MPDZ: variants seen among roughly 807,000 people sequenced by gnomAD.
MPDZ encodes the protein multiple PDZ domain crumbs cell polarity complex component.
MPDZ carries 234 observed loss-of-function variants against 239.1 expected under a neutral mutation model. The ratio of observed to expected loss-of-function variants is 0.98; its 90% confidence interval spans 0.88 to 1.09. The LOEUF (loss-of-function observed/expected upper bound fraction) is 1.09. Ranked by LOEUF, MPDZ falls within the 50% of genes least tolerant of loss-of-function variation. The pLI, the probability that MPDZ is intolerant of heterozygous loss-of-function variation, is 0.00. For synonymous variants in MPDZ, 1,048 were observed against 881.3 expected (o/e 1.19, Z -3.35); for missense variants, 3,175 against 2,510.0 (o/e 1.26, Z -5.66).
intron 1 of MPDZ, among the ~76,000 whole-genome samples, chr9:13,258,631 T>C (rs757518152): frequency 6.6e-6 from 1 of 152,160 alleles, no homozygotes; most frequent in Non-Finnish European, 1.5e-5. Context: ...TCTAAAAGTA[T>C]AGAAATGTCA....
intron 3 of MPDZ, among the ~76,000 whole-genome samples, chr9:13,241,602 G>A (rs558013896): frequency 6.6e-6 from 1 of 150,622 alleles, no homozygotes; most frequent in South Asian, 2.1e-4. Flanking sequence ...ATTTATATAA[G>A]AAGAGAGGGA....
intron 15 of MPDZ, among the ~76,000 whole-genome samples, chr9:13,191,120 C>T (rs1954857384): frequency 6.6e-6 from 1 of 152,080 alleles, no homozygotes. Flanking sequence ...ATACAAATGA[C>T]ACCCATTTGC....
At chr9:13,183,780 C>T (rs920083843) in intron 18 of MPDZ, among the ~76,000 whole-genome samples, 195 bp from the exon 19 acceptor site, 1 of 152,000 alleles carries the variant, frequency 6.6e-6, no homozygotes, top group Admixed American at 6.6e-5. Flanking sequence ...GCAGAAAGTG[C>T]TGGCATACAA....
rs1404972710 is a variant in MPDZ at position 13,136,769 on chromosome 9, T to C, written c.4235A>G (p.Gln1412Arg). Reference sequence around the variant, plus strand: ...ACATTTAATGATTGATGAGGCATTCTGATGACTTCTTCCATATAAAATCTG... The same window carrying C: ...ACATTTAATGATTGATGAGGCATTCCGATGACTTCTTCCATATAAAATCTG... ...NGQILYGRSH[Q>R]NASSIIKCAP... Residue 1412 changes from glutamine to arginine, a missense_variant, in exon 30 of 47, where the codon CAG (glutamine) becomes CGG (arginine). Physicochemically the swap from Gln to Arg is conservative, Grantham distance 43. Coordinates refer to ENST00000319217, the MANE Select transcript of MPDZ (RefSeq NM_001378778.1). 2 of 1,603,160 alleles carry C rather than the reference T, an allele frequency of 1.2e-6. No individual in the cohort carries two copies. The highest frequency in any genetic ancestry group is 1.7e-6 in the Non-Finnish European group (2 of 1,173,814).
chr9:13,195,617 T>C (rs967694245), intron 13 of MPDZ, among the ~76,000 whole-genome samples: 3 of 152,048 alleles, frequency 2.0e-5, no homozygotes, highest in Non-Finnish European at 2.9e-5. Context: ...TACAGGCTAC[T>C]AATAAACATA....
intron 1 of MPDZ, among the ~76,000 whole-genome samples, chr9:13,258,141 TTAAC>T (rs1280245555): frequency 3.3e-5 from 5 of 152,184 alleles, no homozygotes; most frequent in Admixed American, 6.5e-5. Flanking sequence ...TAGGAACTGA[TTAAC>T]TGAGTAATCA....
At chr9:13,156,956 T>A (rs962101316) in intron 24 of MPDZ, among the ~76,000 whole-genome samples, 25 of 152,288 alleles carry the variant, frequency 1.6e-4, no homozygotes, top group African/African-American at 6.0e-4. Context: ...GTGAGTTAAG[T>A]GACTTTTGAT....
At chr9:13,270,700 T>A (rs1972764982) in intron 1 of MPDZ, among the ~76,000 whole-genome samples, 1 of 152,180 alleles carries the variant, frequency 6.6e-6, no homozygotes, top group African/African-American at 2.4e-5. Flanking sequence ...TCACTGTGGC[T>A]ACAGACAACT....
intron 19 of MPDZ, among the ~76,000 whole-genome samples, chr9:13,182,725 A>G (rs946801454): frequency 2.6e-5 from 4 of 152,138 alleles, no homozygotes; most frequent in Non-Finnish European, 4.4e-5. Context: ...GTAAGATACC[A>G]TTTCACACCC....
intron 19 of MPDZ, among the ~76,000 whole-genome samples, chr9:13,180,199 A>G (rs1953095009): frequency 6.6e-6 from 1 of 152,214 alleles, no homozygotes; most frequent in Non-Finnish European, 1.5e-5. Flanking sequence ...TGTGAAGGCA[A>G]TAATATTTTA....
At chr9:13,150,448 TA>T (rs1359330102) in intron 25 of MPDZ, 62 bp downstream of exon 25, 17 of 1,295,334 alleles carry the variant, frequency 1.3e-5, no homozygotes, top group Non-Finnish European at 1.7e-5. Context: ...ATAGTAAAAT[TA>T]AAAAATAAAT....
rs1348395908 is a variant in MPDZ at position 13,176,316 on chromosome 9, A to G, written c.2751T>C (p.Pro917=). The change falls in exon 20 of 47, where the codon CCT becomes CCC. Residue 917 remains proline (P), a synonymous_variant. Coordinates refer to ENST00000319217, the MANE Select transcript of MPDZ (RefSeq NM_001378778.1). ...NLLQRQDENT[P]SVDISMGPAS... ...CAGGCCCCATACTTATGTCCACCGA[A>G]GGTGTATTCTCATCCTGTCTTTGCA... The G allele has an allele frequency of 6.2e-7, 1 of 1,609,660 alleles. No individual in the cohort carries two copies. The highest frequency in any genetic ancestry group is 8.5e-7 in the Non-Finnish European group (1 of 1,177,696).
intron 3 of MPDZ, among the ~76,000 whole-genome samples, chr9:13,229,801 T>C (rs1312847108): frequency 6.6e-6 from 1 of 152,160 alleles, no homozygotes; most frequent in Non-Finnish European, 1.5e-5. Context: ...GCTTTAAATA[T>C]ATATGTAATT....
At chr9:13,247,823 G>A in intron 2 of MPDZ, 22 bp from the exon 3 acceptor site, 1 of 1,574,382 alleles carries the variant, frequency 6.4e-7, no homozygotes. Context: ...AGCAGCATTT[G>A]TCAATAACAG....
intron 10 of MPDZ, among the ~76,000 whole-genome samples, chr9:13,213,502 G>T (rs1214299853): frequency 6.6e-6 from 1 of 151,988 alleles, no homozygotes; most frequent in Non-Finnish European, 1.5e-5. Context: ...AATGCAACTG[G>T]ATGTGAAGAA....
intron 19 of MPDZ, among the ~76,000 whole-genome samples, chr9:13,177,036 T>C (rs908240499): frequency 1.1e-4 from 17 of 152,170 alleles, no homozygotes; most frequent in African/African-American, 3.9e-4. Context: ...ATGCTCTAAA[T>C]CCAGGCTCTG....
intron 39 of MPDZ, among the ~76,000 whole-genome samples, chr9:13,115,839 G>A (rs1194727372): frequency 6.6e-6 from 1 of 151,634 alleles, no homozygotes; most frequent in Non-Finnish European, 1.5e-5. Flanking sequence ...CAGCTACTCA[G>A]GAGGCTGAGG....
intron 23 of MPDZ, among the ~76,000 whole-genome samples, chr9:13,160,615 A>G (rs1950342012): frequency 6.6e-6 from 1 of 151,618 alleles, no homozygotes; most frequent in Admixed American, 6.6e-5. Context: ...GGAAACTATA[A>G]CCAACTCATG....
chr9:13,257,298 T>C (rs1969668210), intron 1 of MPDZ, among the ~76,000 whole-genome samples: 1 of 152,118 alleles, frequency 6.6e-6, no homozygotes, highest in African/African-American at 2.4e-5. Context: ...CTCCCCACAA[T>C]AGCCTCCCGT....
Sources: gnomAD v4.1 joint callset for allele counts (sites outside exome capture counted in the v4.1 genomes callset) on GRCh38, gnomAD v4.1.1 for gene constraint, MANE v1.5 for transcripts, NCBI Gene and HGNC (gene_info 2026-07-23, HGNC 2026-07-21) for gene names.